Variants in FRMPD4 observed in about 807,000 individuals in gnomAD.
The protein encoded by FRMPD4 is FERM and PDZ domain-containing protein 4.
Under a neutral mutation model 94.1 loss-of-function variants are expected in FRMPD4, and 22 were observed. The ratio of observed to expected loss-of-function variants is 0.23; its 90% confidence interval spans 0.17 to 0.33. The LOEUF is 0.33. Among genes scored for constraint, FRMPD4 ranks in the 10% least tolerant of loss-of-function variants. The pLI, the probability that FRMPD4 is intolerant of heterozygous loss-of-function variation, is 1.00. For missense variants in FRMPD4, 1,111 were observed against 1,339.9 expected, an observed-to-expected ratio of 0.83 and a Z score of 2.67; for synonymous variants, 631 against 548.6, an observed-to-expected ratio of 1.15 and a Z score of -2.10.
At chrX:12,469,029 T>C (rs1335101637) in intron 1 of FRMPD4, among the ~76,000 whole-genome samples, 1 of 112,243 alleles carries the variant, frequency 8.9e-6, no homozygotes, top group Non-Finnish European at 1.9e-5. Flanking sequence ...TAGAAAAATG[T>C]CAATTTGGAA....
chrX:12,550,834 T>TATATATAA lies in FRMPD4; in HGVS notation c.158+52038_158+52039insATATATAA, dbSNP rs1555982717. 1.4e-4 allele frequency among the ~76,000 whole-genome samples: 6 copies of TATATATAA among 44,429 alleles called. No homozygotes were observed. In the Admixed American group the frequency reaches 1.4e-3, roughly 11 times the overall value. 38.6% of individuals were successfully genotyped at this position (44,429 alleles called of 115,157 possible). A position where few individuals can be genotyped will look rare whatever the true frequency, so the allele number is the denominator to read the frequency against. On this transcript the variant is annotated intron_variant, in intron 2 of 16. Transcript: ENST00000675598. ...TGTGTACTTACTTTCTCTTTTAGAGTGTATATAAGAATATAGCAAATATAT... is the reference window on the plus strand; with the variant it reads ...TGTGTACTTACTTTCTCTTTTAGAGTATATATAAGTATATAAGAATATAGCAAATATAT...
intron 3 of FRMPD4, among the ~76,000 whole-genome samples, chrX:11,961,716 A>G (rs1177784887): frequency 9.2e-6 from 1 of 108,685 alleles, no homozygotes; most frequent in Non-Finnish European, 1.9e-5. Context: ...TCAAACACCA[A>G]CATCTCAATA....
At chrX:12,351,172 CA>C (rs764761807) in intron 1 of FRMPD4, among the ~76,000 whole-genome samples, 72 of 82,616 alleles carry the variant, frequency 8.7e-4, no homozygotes, top group East Asian at 2.4e-3. Flanking sequence ...CTCCACCTCA[CA>C]AAAAAAAAAA....
chrX:12,354,440 C>T (rs1479927674), intron 1 of FRMPD4, among the ~76,000 whole-genome samples: 1 of 112,024 alleles, frequency 8.9e-6, no homozygotes, highest in Non-Finnish European at 1.9e-5. Flanking sequence ...CTCAGCAGAC[C>T]TCAGAGGCAA....
At chrX:12,250,599 G>C (rs2054025416) in intron 1 of FRMPD4, among the ~76,000 whole-genome samples, 1 of 112,070 alleles carries the variant, frequency 8.9e-6, no homozygotes, top group Non-Finnish European at 1.9e-5. Context: ...TAATTTTATA[G>C]AATGATGAAT....
At chrX:11,890,192 CA>C (rs2053866688) in intron 3 of FRMPD4, among the ~76,000 whole-genome samples, 1 of 112,505 alleles carries the variant, frequency 8.9e-6, no homozygotes, top group Non-Finnish European at 1.9e-5. Flanking sequence ...TTGAGAAAAT[CA>C]AAGTTTAGAG....
At chrX:12,388,288 G>A (rs1430172123) in intron 1 of FRMPD4, among the ~76,000 whole-genome samples, 1 of 112,156 alleles carries the variant, frequency 8.9e-6, no homozygotes, top group Non-Finnish European at 1.9e-5. Flanking sequence ...ATTCAAATTT[G>A]TAGATGCAAG....
At chrX:12,683,638 A>C in intron 6 of FRMPD4, 51 bp downstream of exon 6, 1 of 640,838 alleles carries the variant, frequency 1.6e-6, no homozygotes, top group Non-Finnish European at 2.5e-6. Flanking sequence ...AATGAGGCAG[A>C]AGCTTTGCAC....
chrX:12,609,606 C>G (rs1471765873), intron 2 of FRMPD4, 115 bp from the exon 3 acceptor site: 6 of 636,261 alleles, frequency 9.4e-6, no homozygotes, highest in Non-Finnish European at 1.5e-5. Flanking sequence ...CTCCCCAGAT[C>G]TTTCTCACTC....
chrX:12,531,618 G>A (rs990320739), intron 2 of FRMPD4, among the ~76,000 whole-genome samples: 1 of 111,666 alleles, frequency 9.0e-6, no homozygotes, highest in Non-Finnish European at 1.9e-5. Flanking sequence ...TGGGTGGCAA[G>A]GTTCTTAAGG....
At chrX:12,359,942 A>T (rs1295133150) in intron 1 of FRMPD4, among the ~76,000 whole-genome samples, 1 of 112,363 alleles carries the variant, frequency 8.9e-6, no homozygotes, top group Non-Finnish European at 1.9e-5. Flanking sequence ...TGATGACCAC[A>T]ATAGACATTT....
intron 3 of FRMPD4, among the ~76,000 whole-genome samples, chrX:11,926,258 C>CAAAAAAAA (rs763084115): frequency 9.8e-5 from 3 of 30,700 alleles, no homozygotes; most frequent in Non-Finnish European, 1.1e-4. Flanking sequence ...GCTTACCAAC[C>CAAAAAAAA]AAAAAAAAAA....
In FRMPD4 at chrX:12,138,664, C is replaced by A. The variant is rs1168819296; in HGVS notation, c.-308C>A. 1 of 297,123 alleles carries A rather than the reference C, an allele frequency of 3.4e-6. No homozygotes were observed. Among genetic ancestry groups the A allele is most frequent in the Non-Finnish European group, 5.8e-6 (1 of 171,266 alleles). The allele number at this position is 297,123 out of a possible 1,213,427, so 24.5% of individuals were successfully genotyped here. On this transcript the variant is annotated 5_prime_UTR_variant, in exon 1 of 17. Transcript: ENST00000675598. ...GGGCTAGAGCGCACGGGGCGGGGCG[C>A]GAGACCCGGGCCGCGCTCCCCGCCC...
intron 1 of FRMPD4, among the ~76,000 whole-genome samples, chrX:11,847,077 C>G (rs1437973938): frequency 9.3e-6 from 1 of 107,655 alleles, no homozygotes; most frequent in Non-Finnish European, 1.9e-5. Context: ...AAGAAACTAC[C>G]ATCAGAGTGA....
At chrX:11,872,546 A>G (rs2053761104) in intron 2 of FRMPD4, among the ~76,000 whole-genome samples, 1 of 112,360 alleles carries the variant, frequency 8.9e-6, no homozygotes, top group Non-Finnish European at 1.9e-5. Context: ...ACTCTTTTAC[A>G]GAGAAAACAA....
intron 4 of FRMPD4, among the ~76,000 whole-genome samples, chrX:12,664,907 C>T (rs753732958): frequency 7.2e-5 from 8 of 111,522 alleles, no homozygotes; most frequent in Admixed American, 9.5e-5. Context: ...TTCCGAGATT[C>T]GACATCTTCC....
chrX:12,446,112 TAGA>T (rs200414376), intron 1 of FRMPD4, among the ~76,000 whole-genome samples: 3,112 of 112,242 alleles, frequency 0.028, 116 homozygotes, highest in African/African-American at 0.096. Context: ...AGGGACTGGG[TAGA>T]AAAGGGAGAG....
chrX:12,363,796 C>T (rs1345885711), intron 1 of FRMPD4, among the ~76,000 whole-genome samples: 2 of 111,785 alleles, frequency 1.8e-5, no homozygotes, highest in East Asian at 2.8e-4. Context: ...AACTTGACAG[C>T]CTCTTTAGGG....
At chrX:11,884,342 C>T (rs186218750) in intron 3 of FRMPD4, among the ~76,000 whole-genome samples, 3 of 111,766 alleles carry the variant, frequency 2.7e-5, no homozygotes, top group East Asian at 2.8e-4. Flanking sequence ...AGGGGATAGA[C>T]GTCTCTGCTA....
Sources: gnomAD v4.1 joint callset for allele counts (sites outside exome capture counted in the v4.1 genomes callset) on GRCh38, gnomAD v4.1.1 for gene constraint, MANE v1.5 for transcripts, NCBI Gene and HGNC (gene_info 2026-07-23, HGNC 2026-07-21) for gene names.